NPNT: variants seen among roughly 807,000 people sequenced by gnomAD.
The protein encoded by NPNT is preosteoblast EGF-like repeat protein with MAM domain.
A neutral mutation model predicts 68.6 loss-of-function variants in NPNT; 45 were observed. That is an observed-to-expected ratio of 0.66 (90% confidence interval 0.52 to 0.84). The LOEUF (loss-of-function observed/expected upper bound fraction) is 0.84. NPNT is among the 40% of genes least tolerant of loss of function. NPNT has a pLI of 0.00. For missense variants in NPNT, 672 were observed against 714.8 expected (o/e 0.94, Z 0.68); for synonymous variants, 233 against 253.3 (o/e 0.92, Z 0.76).
chr4:105,915,967 A>G (rs895725193), intron 2 of NPNT, among the ~76,000 whole-genome samples: 1 of 152,206 alleles, frequency 6.6e-6, no homozygotes, highest in Non-Finnish European at 1.5e-5. Context: ...TGTGTTCCAC[A>G]TCTGCTAAAT....
chr4:105,915,143 G>C (rs1362564637), intron 2 of NPNT, among the ~76,000 whole-genome samples: 1 of 152,158 alleles, frequency 6.6e-6, no homozygotes, highest in East Asian at 1.9e-4. Context: ...CTGCATTGCT[G>C]CGAGGAGTCT....
intron 2 of NPNT, chr4:105,898,210 CAGAG>C: frequency 2.5e-6 from 1 of 402,590 alleles, no homozygotes; most frequent in Non-Finnish European, 4.4e-6. Context: ...TTGTCATTCA[CAGAG>C]AGCCACCTTA....
At position 105,942,600 on chromosome 4, in the gene NPNT, G is replaced by A. The variant is rs756406157; in HGVS notation, c.1057G>A (p.Gly353Arg). The A allele has an allele frequency of 2.9e-5, 46 of 1,613,706 alleles. No homozygotes were observed. The highest frequency in any genetic ancestry group is 5.5e-5 in the South Asian group (5 of 91,062). The stretch of plus-strand genomic sequence containing the variant: ...TACAACCCCAGAAAGGCCAACCACC[G>A]GACTGACAACTATAGCACCAGCTGC... ...PPTTPERPTT[G>R]LTTIAPAAST... The change falls in exon 8 of 12, where the codon GGA becomes AGA. Residue 353 changes from glycine to arginine, a missense_variant. Physicochemically the swap from Gly to Arg is moderately radical, Grantham distance 125. Transcript: ENST00000379987.
At chr4:105,898,362 C>CTCTCTCTG (rs1726111667) in intron 2 of NPNT, among the ~76,000 whole-genome samples, 1 of 142,752 alleles carries the variant, frequency 7.0e-6, no homozygotes, top group Non-Finnish European at 1.5e-5. Context: ...CTCTCTCTCT[C>CTCTCTCTG]TCTCTCTCTC....
chr4:105,896,628 C>G (rs1283551440), intron 1 of NPNT, among the ~76,000 whole-genome samples: 2 of 152,204 alleles, frequency 1.3e-5, no homozygotes, highest in African/African-American at 4.8e-5. Flanking sequence ...TGCCCCCACC[C>G]CTCCGTGTAG....
At chr4:105,913,523 T>C (rs952119200) in intron 2 of NPNT, among the ~76,000 whole-genome samples, 3 of 152,324 alleles carry the variant, frequency 2.0e-5, no homozygotes, top group Non-Finnish European at 4.4e-5. Flanking sequence ...TAAATCTAAC[T>C]TTGCAAGATT....
intron 4 of NPNT, 91 bp downstream of exon 4, chr4:105,937,219 G>C: frequency 7.5e-7 from 1 of 1,337,500 alleles, no homozygotes; most frequent in East Asian, 2.3e-5. Context: ...GGCCTCCGGG[G>C]TTCTCCTAAA....
intron 8 of NPNT, among the ~76,000 whole-genome samples, chr4:105,949,814 T>C (rs1730677876): frequency 6.6e-6 from 1 of 152,184 alleles, no homozygotes; most frequent in African/African-American, 2.4e-5. Context: ...GCCATTTGAC[T>C]CCAATTAGAT....
At chr4:105,967,769 G>A (rs1732289441) in intron 11 of NPNT, among the ~76,000 whole-genome samples, 2 of 152,108 alleles carry the variant, frequency 1.3e-5, no homozygotes, top group South Asian at 2.1e-4. Flanking sequence ...CAAGGGTGGG[G>A]TGGTGAGCTT....
intron 2 of NPNT, among the ~76,000 whole-genome samples, chr4:105,911,407 T>A (rs1372288323): frequency 1.3e-5 from 2 of 152,136 alleles, no homozygotes; most frequent in African/African-American, 2.4e-5. Flanking sequence ...AATATACAAT[T>A]GTAAATTACA....
chr4:105,937,640 T>C (rs1729597002), intron 4 of NPNT, among the ~76,000 whole-genome samples: 1 of 152,000 alleles, frequency 6.6e-6, no homozygotes. Context: ...AAAAACAATT[T>C]CAAATAAAAA....
At chr4:105,946,449 G>T (rs181587577) in intron 8 of NPNT, among the ~76,000 whole-genome samples, 132 of 152,152 alleles carry the variant, frequency 8.7e-4, no homozygotes, top group Middle Eastern at 3.4e-3. Flanking sequence ...TCTATCAGGG[G>T]AACCCGCCCC....
intron 2 of NPNT, among the ~76,000 whole-genome samples, chr4:105,923,828 C>T (rs1466085786): frequency 6.6e-6 from 1 of 152,070 alleles, no homozygotes; most frequent in Non-Finnish European, 1.5e-5. Context: ...CATAGTTTTC[C>T]ATTACTAACC....
chr4:105,967,561 G>GT (rs1277961227), intron 11 of NPNT, 117 bp downstream of exon 11: 15 of 1,056,418 alleles, frequency 1.4e-5, no homozygotes, highest in Admixed American at 3.5e-5. Flanking sequence ...AAAGGTTTGG[G>GT]TTTTTTTCTG....
chr4:105,939,974 A>G, intron 5 of NPNT, 101 bp from the exon 6 acceptor site: 1 of 983,424 alleles, frequency 1.0e-6, no homozygotes, highest in South Asian at 1.4e-5. Flanking sequence ...ATGAGCCACT[A>G]TATGCTAGGC....
At chr4:105,959,253 G>A in intron 10 of NPNT, 127 bp downstream of exon 10, 1 of 620,080 alleles carries the variant, frequency 1.6e-6, no homozygotes, top group Admixed American at 2.7e-5. Flanking sequence ...TGGTCAAAAA[G>A]GACCATGCCT....
chr4:105,967,685 T>A (rs1732281269), intron 11 of NPNT, among the ~76,000 whole-genome samples: 1 of 152,060 alleles, frequency 6.6e-6, no homozygotes, highest in Non-Finnish European at 1.5e-5. Flanking sequence ...GATCCATTTT[T>A]TTTTAATGGA....
At chr4:105,949,289 TTA>T (rs1466453749) in intron 8 of NPNT, among the ~76,000 whole-genome samples, 36 of 152,258 alleles carry the variant, frequency 2.4e-4, no homozygotes, top group African/African-American at 8.4e-4. Flanking sequence ...AACCATGGGA[TTA>T]TTTGAATCTT....
At chr4:105,922,426 C>T (rs1366249402) in intron 2 of NPNT, among the ~76,000 whole-genome samples, 2 of 148,974 alleles carry the variant, frequency 1.3e-5, no homozygotes, top group Admixed American at 6.7e-5. Context: ...CTCACTCTGT[C>T]GCCCAAGCTG....
Sources: gnomAD v4.1 joint callset for allele counts (sites outside exome capture counted in the v4.1 genomes callset) on GRCh38, gnomAD v4.1.1 for gene constraint, MANE v1.5 for transcripts, NCBI Gene and HGNC (gene_info 2026-07-23, HGNC 2026-07-21) for gene names.